ITGB5: variants seen among roughly 807,000 people sequenced by gnomAD.
ITGB5 encodes the protein integrin subunit beta 5.
ITGB5 carries 38 observed loss-of-function variants against 84.8 expected under a neutral mutation model. The ratio of observed to expected loss-of-function variants is 0.45; its 90% CI spans 0.35 to 0.59. The LOEUF is 0.59. Among genes scored for constraint, ITGB5 ranks in the 20% least tolerant of loss-of-function variants. The pLI is 0.01. For synonymous variants in ITGB5, 393 were observed against 414.4 expected (o/e 0.95, Z 0.63); for missense variants, 905 against 1,034.5 (o/e 0.87, Z 1.72).
intron 3 of ITGB5, among the ~76,000 whole-genome samples, chr3:124,852,031 C>T (rs1355670796): frequency 6.6e-6 from 1 of 152,198 alleles, no homozygotes; most frequent in Non-Finnish European, 1.5e-5. Context: ...GGGTACACTT[C>T]CAGAACCATG....
intron 1 of ITGB5, among the ~76,000 whole-genome samples, chr3:124,882,201 T>C (rs1186585009): frequency 6.6e-6 from 1 of 152,066 alleles, no homozygotes; most frequent in Non-Finnish European, 1.5e-5. Flanking sequence ...CAGAGATGAA[T>C]AAAACCAACA....
chr3:124,899,510 T>C (rs569452265), intron 1 of ITGB5, among the ~76,000 whole-genome samples: 164 of 151,928 alleles, frequency 1.1e-3, no homozygotes, highest in African/African-American at 3.9e-3. Context: ...TCACACAAGA[T>C]AGAAAAGCTG....
At chr3:124,832,871 A>T (rs549737337) in intron 5 of ITGB5, 1 of 152,494 alleles carries the variant, frequency 6.6e-6, no homozygotes, top group African/African-American at 2.4e-5. Flanking sequence ...AGGAAAGGGG[A>T]CTGACCTGGG....
At chr3:124,836,053 C>T (rs919129109) in intron 5 of ITGB5, among the ~76,000 whole-genome samples, 9 of 152,196 alleles carry the variant, frequency 5.9e-5, no homozygotes, top group African/African-American at 2.2e-4. Context: ...GGAGCACCTC[C>T]CTCCAGTCCC....
chr3:124,810,944 T>G (rs1397757202), intron 8 of ITGB5, among the ~76,000 whole-genome samples: 2 of 132,682 alleles, frequency 1.5e-5, no homozygotes, highest in Non-Finnish European at 3.1e-5. Flanking sequence ...TTCTCTTTTT[T>G]GCTGAGCATA....
chr3:124,773,604 G>T, intron 11 of ITGB5, 86 bp downstream of exon 11: 3 of 1,270,342 alleles, frequency 2.4e-6, no homozygotes, highest in Admixed American at 1.8e-5. Flanking sequence ...GAGGAGTGGA[G>T]GCTAGCCGGC....
At chr3:124,853,600 G>T (rs2065185451) in intron 3 of ITGB5, among the ~76,000 whole-genome samples, 1 of 152,088 alleles carries the variant, frequency 6.6e-6, no homozygotes, top group Non-Finnish European at 1.5e-5. Flanking sequence ...TGTCACCCAG[G>T]GTGGCAACTT....
chr3:124,814,110 T>C (rs1398822452), intron 8 of ITGB5, among the ~76,000 whole-genome samples: 2 of 152,212 alleles, frequency 1.3e-5, no homozygotes, highest in African/African-American at 4.8e-5. Flanking sequence ...AGGGGCTTTA[T>C]ATTAGGAACT....
At chr3:124,856,293 A>G (rs1335415010) in intron 3 of ITGB5, among the ~76,000 whole-genome samples, 1 of 152,178 alleles carries the variant, frequency 6.6e-6, no homozygotes, top group Non-Finnish European at 1.5e-5. Context: ...CATTTTAAAA[A>G]CTGGAATTAT....
intron 2 of ITGB5, among the ~76,000 whole-genome samples, chr3:124,866,407 C>T (rs2065391075): frequency 6.6e-6 from 1 of 152,208 alleles, no homozygotes; most frequent in Admixed American, 6.5e-5. Context: ...CCAGACATTA[C>T]ATTATTTGAG....
chr3:124,887,924 T>C (rs1367820601), upstream of ITGB5: 2 of 219,480 alleles, frequency 9.1e-6, no homozygotes, highest in Middle Eastern at 2.0e-3. Context: ...TCTTTTCTTT[T>C]TTTTTTTTTT....
intron 10 of ITGB5, among the ~76,000 whole-genome samples, chr3:124,793,487 CG>C (rs570272036): frequency 5.6e-4 from 86 of 152,342 alleles, no homozygotes; most frequent in African/African-American, 2.0e-3. Context: ...TGGGGGAAGG[CG>C]GGGCCCTCCT....
At chr3:124,821,947 C>T (rs1347917530) in intron 5 of ITGB5, among the ~76,000 whole-genome samples, 1 of 152,200 alleles carries the variant, frequency 6.6e-6, no homozygotes, top group South Asian at 2.1e-4. Context: ...AGACCTGAGT[C>T]AATCAGAACA....
intron 10 of ITGB5, among the ~76,000 whole-genome samples, chr3:124,796,122 TG>T (rs144654899): frequency 0.02 from 3,070 of 152,296 alleles, 119 homozygotes; most frequent in African/African-American, 0.07. Context: ...CAGTCCTGCA[TG>T]AATTGGGAAG....
At chr3:124,807,756 T>C (rs1203483160) in intron 9 of ITGB5, among the ~76,000 whole-genome samples, 1 of 151,290 alleles carries the variant, frequency 6.6e-6, no homozygotes, top group Non-Finnish European at 1.5e-5. Context: ...CCATCCTGGC[T>C]ACCATGGTGA....
rs1445316857 is a variant in ITGB5, at chr3:124,796,426, T to C, written c.1655A>G (p.Asn552Ser). The C allele has an allele frequency of 1.4e-5, 22 of 1,613,692 alleles. No individual in the cohort carries two copies. Among genetic ancestry groups the C allele is most frequent in the Non-Finnish European group, 1.8e-5 (21 of 1,179,846 alleles). Residue 552 changes from asparagine to serine, a missense_variant, in exon 10 of 15, where the codon AAC becomes AGC. Coordinates refer to ENST00000296181, the MANE Select transcript of ITGB5 (RefSeq NM_002213.5). ...KIYGPFCECD[N>S]FSCARNKGVL... The stretch of plus-strand genomic sequence containing the variant: ...TCCCTTGTTCCTGGCACAGGAGAAG[T>C]TGTCGCACTCACAGAAAGGCCCATA...
At chr3:124,794,017 G>A (rs4678161) in intron 10 of ITGB5, among the ~76,000 whole-genome samples, 11 of 152,282 alleles carry the variant, frequency 7.2e-5, no homozygotes, top group Admixed American at 6.5e-4. Flanking sequence ...CCCATAGGAC[G>A]GAGTATCTGC....
At chr3:124,877,795 T>A (rs1438947321) in intron 1 of ITGB5, among the ~76,000 whole-genome samples, 1 of 152,002 alleles carries the variant, frequency 6.6e-6, no homozygotes, top group Non-Finnish European at 1.5e-5. Flanking sequence ...AGCCCCTTTA[T>A]CAGAAAGGAA....
intron 5 of ITGB5, among the ~76,000 whole-genome samples, chr3:124,836,361 C>CA (rs1436130671): frequency 1.3e-5 from 2 of 150,798 alleles, no homozygotes; most frequent in African/African-American, 2.4e-5. Context: ...ACTAAAAATA[C>CA]AAAAAAATTA....
Sources: allele counts gnomAD v4.1 joint callset (sites outside exome capture counted in the v4.1 genomes callset), GRCh38; gene constraint gnomAD v4.1.1; transcripts MANE v1.5; gene names NCBI Gene and HGNC (gene_info 2026-07-23, HGNC 2026-07-21).